The following ENTPD5 variants were observed in gnomAD, a reference collection of about 807,000 sequenced individuals.
The protein encoded by ENTPD5 is nucleoside diphosphate phosphatase ENTPD5.
Under a neutral mutation model 60.2 loss-of-function variants are expected in ENTPD5, and 49 were observed. The ratio of observed to expected loss-of-function variants is 0.81; its 90% confidence interval spans 0.65 to 1.03. ENTPD5 has a LOEUF of 1.03. ENTPD5 is among the 50% of genes least tolerant of loss of function. ENTPD5 has a pLI of 0.00. For missense variants in ENTPD5, 480 were observed against 507.6 expected (o/e 0.95, Z 0.52); for synonymous variants, 187 against 185.4 (o/e 1.01, Z -0.07).
chr14:74,002,180 T>C (rs1330384152), intron 3 of ENTPD5, among the ~76,000 whole-genome samples: 1 of 152,134 alleles, frequency 6.6e-6, no homozygotes, highest in East Asian at 1.9e-4. Flanking sequence ...AAACTAAGTA[T>C]CTTAAGACCA....
intron 3 of ENTPD5, chr14:73,996,105 C>T: frequency 2.0e-6 from 2 of 983,292 alleles, no homozygotes; most frequent in Non-Finnish European, 2.4e-6. Context: ...TTCATGTGCT[C>T]ACCTGCTTGT....
intron 12 of ENTPD5, 49 bp downstream of exon 12, chr14:73,973,828 G>C: frequency 6.5e-7 from 1 of 1,529,050 alleles, no homozygotes; most frequent in Non-Finnish European, 9.1e-7. Context: ...GACTTTTCCA[G>C]AGCTTCCATT....
Position 74,019,271 on chromosome 14 carries a change from C to T in ENTPD5, c.-259G>A. The T allele has an allele frequency of 1.1e-5, 4 of 369,252 alleles. No homozygotes were observed. Among genetic ancestry groups the T allele is most frequent in the Non-Finnish European group, 1.5e-5 (4 of 263,106 alleles). 22.9% of individuals were successfully genotyped at this position (369,252 alleles called of 1,614,324 possible). On this transcript the variant is annotated 5_prime_UTR_variant, in exon 1 of 16. Transcript: ENST00000334696. The stretch of plus-strand genomic sequence containing the variant: ...TCACCGCGCGCGCGCCACCCTTGCG[C>T]GGCAGCCCGCCGCCCTCGGCGCGAC...
intron 5 of ENTPD5, chr14:73,986,197 T>C (rs1170622978): frequency 2.0e-5 from 3 of 152,046 alleles, no homozygotes; most frequent in Non-Finnish European, 4.4e-5. Flanking sequence ...CAATGAACAA[T>C]AAATACCTTT....
At chr14:73,986,780 T>C (rs747050364) in intron 5 of ENTPD5, 34 bp downstream of exon 5, 1 of 1,489,158 alleles carries the variant, frequency 6.7e-7, no homozygotes, top group Non-Finnish European at 9.4e-7. Context: ...ATCAAGGCAT[T>C]GAGAATCTAA....
At chr14:73,977,485 T>TA in intron 6 of ENTPD5, 111 bp from the exon 7 acceptor site, 1 of 830,182 alleles carries the variant, frequency 1.2e-6, no homozygotes, top group East Asian at 2.8e-5. Flanking sequence ...TTTTCCTAGA[T>TA]AAAATTTTGG....
At chr14:73,992,833 TCTCTGCTAA>T (rs907412081) in intron 3 of ENTPD5, among the ~76,000 whole-genome samples, 22 of 151,712 alleles carry the variant, frequency 1.5e-4, no homozygotes, top group Admixed American at 1.3e-3. Context: ...CGAAACCCCG[TCTCTGCTAA>T]AAATACAAAA....
intron 5 of ENTPD5, among the ~76,000 whole-genome samples, chr14:73,983,647 C>T (rs1487943376): frequency 1.4e-5 from 2 of 148,042 alleles, no homozygotes; most frequent in Non-Finnish European, 3.0e-5. Context: ...AAAGGAGAAT[C>T]CATTTCATTT....
intron 8 of ENTPD5, 126 bp downstream of exon 8, chr14:73,976,898 C>A: frequency 1.2e-6 from 1 of 862,104 alleles, no homozygotes; most frequent in South Asian, 1.7e-5. Context: ...TGAACTGCCA[C>A]ACCCAGCCTC....
chr14:73,996,045 C>T (rs555322861), intron 3 of ENTPD5: 2 of 650,154 alleles, frequency 3.1e-6, no homozygotes, highest in African/African-American at 2.0e-5. Flanking sequence ...TCCCTTCTTC[C>T]ATGTCCCCGG....
At chr14:73,958,741 T>C, downstream of ENTPD5, 3 of 1,434,086 alleles carry the variant, frequency 2.1e-6, no homozygotes, top group Non-Finnish European at 2.7e-6. Context: ...TGGCTGAGTT[T>C]AACTCATGGC....
At chr14:73,987,383 T>C (rs946828623) in intron 4 of ENTPD5, among the ~76,000 whole-genome samples, 4 of 152,194 alleles carry the variant, frequency 2.6e-5, no homozygotes, top group African/African-American at 9.6e-5. Context: ...TAATTTCACA[T>C]TGAATTAAAC....
At chr14:73,961,143 C>T (rs1566692099), downstream of ENTPD5, 1 of 1,608,618 alleles carries the variant, frequency 6.2e-7, no homozygotes. Flanking sequence ...CACATTTCAC[C>T]TTGTTTGTCT....
At chr14:73,963,044 C>G (rs2056826989), downstream of ENTPD5, 1 of 1,420,876 alleles carries the variant, frequency 7.0e-7, no homozygotes, top group Non-Finnish European at 1.0e-6. Context: ...AAAAGAACAT[C>G]CTGCCCAGGA....
chr14:73,988,364 T>C (rs983184294), intron 3 of ENTPD5, among the ~76,000 whole-genome samples, 192 bp from the exon 4 acceptor site: 4 of 152,208 alleles, frequency 2.6e-5, no homozygotes, highest in African/African-American at 9.6e-5. Context: ...GAAATTGGAA[T>C]TGAAGATATA....
intron 13 of ENTPD5, 144 bp from the exon 14 acceptor site, chr14:73,972,052 G>A: frequency 4.7e-6 from 3 of 641,220 alleles, no homozygotes; most frequent in Non-Finnish European, 8.3e-6. Flanking sequence ...TCCATGTTAT[G>A]TATATTTAAC....
intron 3 of ENTPD5, among the ~76,000 whole-genome samples, chr14:74,010,810 T>C (rs540510001): frequency 6.6e-6 from 1 of 152,338 alleles, no homozygotes; most frequent in South Asian, 2.1e-4. Context: ...AGTACTGTCA[T>C]GTGCCCAGCT....
Position 73,971,881 on chromosome 14 carries a change from A to C in ENTPD5, c.1055T>G (p.Val352Gly). ...IDYEKGGILKVEDFERKAREV... is the reference protein window; with the variant it reads ...IDYEKGGILKGEDFERKAREV... ...CCTGGCTTTTCTTTCAAAATCTTCAACTTTTAAAATACCCCCCTTTTCATA... is the reference window on the plus strand; with the variant it reads ...CCTGGCTTTTCTTTCAAAATCTTCACCTTTTAAAATACCCCCCTTTTCATA... Residue 352 changes from valine to glycine, a missense_variant, in exon 14 of 16, where the codon GTT becomes GGT. Transcript: ENST00000334696. The C allele has an allele frequency of 6.2e-7, 1 of 1,606,180 alleles. No homozygotes were observed. The highest frequency in any genetic ancestry group is 1.1e-5 in the South Asian group (1 of 90,908).
Position 73,988,130 on chromosome 14 carries a change from G to A in ENTPD5, c.-28C>T. ...TTTTCCCAAGATGTGGCTGGGTGGA[G>A]GCTTTTGTTGCAGAAGCAATCCTGC... On this transcript the variant is annotated 5_prime_UTR_variant, in exon 4 of 16. Coordinates refer to ENST00000334696, the MANE Select transcript of ENTPD5 (RefSeq NM_001249.5). 1 of 1,587,574 alleles carries A rather than the reference G, an allele frequency of 6.3e-7. No individual in the cohort carries two copies. Among genetic ancestry groups the A allele is most frequent in the Non-Finnish European group, 8.6e-7 (1 of 1,166,826 alleles).
Sources: gnomAD v4.1 joint callset for allele counts (sites outside exome capture counted in the v4.1 genomes callset) on GRCh38, gnomAD v4.1.1 for gene constraint, MANE v1.5 for transcripts, NCBI Gene and HGNC (gene_info 2026-07-23, HGNC 2026-07-21) for gene names.